SENP7: variants seen among roughly 807,000 people sequenced by gnomAD.
SENP7 encodes the protein SUMO specific peptidase 7.
A neutral mutation model predicts 141.2 loss-of-function variants in SENP7; 64 were observed. The observed-to-expected ratio is 0.45, with a 90% CI of 0.37 to 0.56. SENP7 has a LOEUF of 0.56. Ranked by LOEUF, SENP7 falls within the 20% of genes least tolerant of loss-of-function variation. The pLI is 0.00. For missense variants in SENP7, 1,025 were observed against 1,212.2 expected (o/e 0.85, Z 2.29); for synonymous variants, 382 against 426.4 (o/e 0.90, Z 1.28).
chr3:101,340,578 T>C (rs1462816323), intron 15 of SENP7, among the ~76,000 whole-genome samples: 1 of 152,222 alleles, frequency 6.6e-6, no homozygotes, highest in Non-Finnish European at 1.5e-5. Flanking sequence ...ATATAGCTTT[T>C]CCTTTCTCCG....
intron 5 of SENP7, among the ~76,000 whole-genome samples, chr3:101,415,816 T>G (rs1268397801): frequency 6.6e-6 from 1 of 152,214 alleles, no homozygotes; most frequent in Non-Finnish European, 1.5e-5. Flanking sequence ...GCAACCTCAT[T>G]GTATTTTCAC....
intron 4 of SENP7, among the ~76,000 whole-genome samples, chr3:101,451,578 G>A (rs917167618): frequency 2.0e-5 from 3 of 152,090 alleles, no homozygotes; most frequent in Non-Finnish European, 4.4e-5. Context: ...ATCAATAAAC[G>A]TAATCCAGCA....
At chr3:101,509,435 CATT>C (rs1380524363) in intron 1 of SENP7, among the ~76,000 whole-genome samples, 1 of 152,148 alleles carries the variant, frequency 6.6e-6, no homozygotes, top group African/African-American at 2.4e-5. Context: ...GAAAGGCTAA[CATT>C]TTTTTTACTC....
intron 4 of SENP7, among the ~76,000 whole-genome samples, chr3:101,424,929 G>C (rs1446426615): frequency 6.6e-6 from 1 of 152,124 alleles, no homozygotes; most frequent in Non-Finnish European, 1.5e-5. Flanking sequence ...TCCCCATACT[G>C]TTCTCATGGA....
chr3:101,335,972 G>A (rs946388770), intron 17 of SENP7, among the ~76,000 whole-genome samples: 1 of 152,148 alleles, frequency 6.6e-6, no homozygotes, highest in Non-Finnish European at 1.5e-5. Flanking sequence ...ATACATCCCA[G>A]TTTGTCTAGA....
intron 4 of SENP7, among the ~76,000 whole-genome samples, chr3:101,426,642 G>A (rs889964480): frequency 2.0e-5 from 3 of 151,946 alleles, no homozygotes; most frequent in Admixed American, 2.0e-4. Flanking sequence ...ACCATGCCCA[G>A]CTAATTTTTT....
At chr3:101,502,942 T>A (rs2065450677) in intron 1 of SENP7, among the ~76,000 whole-genome samples, 2 of 150,848 alleles carry the variant, frequency 1.3e-5, no homozygotes, top group South Asian at 4.2e-4. Context: ...AAAAAAGAAC[T>A]TCTGTTCATC....
intron 5 of SENP7, among the ~76,000 whole-genome samples, chr3:101,405,212 T>C (rs566083042): frequency 1.3e-5 from 2 of 152,244 alleles, no homozygotes; most frequent in South Asian, 2.1e-4. Flanking sequence ...AATACTATGC[T>C]GGTATCCATG....
intron 11 of SENP7, chr3:101,358,106 G>A: frequency 5.4e-6 from 3 of 551,138 alleles, no homozygotes; most frequent in South Asian, 1.8e-5. Context: ...GAAGAATGTG[G>A]CAAAATTTTA....
intron 12 of SENP7, among the ~76,000 whole-genome samples, chr3:101,349,178 C>T (rs966831686): frequency 6.6e-6 from 1 of 152,066 alleles, no homozygotes; most frequent in Non-Finnish European, 1.5e-5. Flanking sequence ...CTTAATGTTC[C>T]CAAGCCAGTC....
intron 1 of SENP7, among the ~76,000 whole-genome samples, chr3:101,507,353 TTCCATCATC>T (rs2065663595): frequency 6.6e-6 from 1 of 152,194 alleles, no homozygotes. Context: ...ATCCTCTGCC[TTCCATCATC>T]AAGCCTAGGA....
At chr3:101,357,998 G>A in intron 11 of SENP7, 2 of 630,288 alleles carry the variant, frequency 3.2e-6, no homozygotes. Flanking sequence ...AATTCTTATT[G>A]GAGAGAAACC....
intron 4 of SENP7, among the ~76,000 whole-genome samples, chr3:101,435,347 C>A (rs569968078): frequency 6.6e-6 from 1 of 152,184 alleles, no homozygotes; most frequent in African/African-American, 2.4e-5. Flanking sequence ...TAGGGAAACA[C>A]TGAAAGCCTT....
chr3:101,465,024 T>C (rs890138703), intron 3 of SENP7, among the ~76,000 whole-genome samples: 1 of 152,114 alleles, frequency 6.6e-6, no homozygotes, highest in Admixed American at 6.5e-5. Context: ...CACCCACACA[T>C]GTCATCCGGA....
chr3:101,436,039 C>A (rs1466708034), intron 4 of SENP7, among the ~76,000 whole-genome samples: 2 of 151,924 alleles, frequency 1.3e-5, no homozygotes, highest in Admixed American at 6.6e-5. Context: ...CAGAGCTATA[C>A]TAACCAAAAC....
At chr3:101,371,917 A>T (rs2060192045) in intron 7 of SENP7, 91 bp downstream of exon 7, 3 of 464,722 alleles carry the variant, frequency 6.5e-6, no homozygotes, top group Non-Finnish European at 1.1e-5. Context: ...ATCCTTTCAA[A>T]GTAAAATAAA....
chr3:101,484,387 C>T lies in SENP7; in HGVS notation c.186+9486G>A, dbSNP rs183263442. On this transcript the variant is annotated intron_variant, in intron 3 of 23. Coordinates refer to ENST00000394095, the MANE Select transcript of SENP7 (RefSeq NM_020654.5). The stretch of plus-strand genomic sequence containing the variant: ...TGAAATCATCATGGTGGACAGGAGG[C>T]AGGACCAGATTGCAGCTACATGCAG... Among the ~76,000 whole-genome samples the T allele has an allele frequency of 7.5e-3, 1,141 of 152,250 alleles. 7 individuals carry two copies. Among genetic ancestry groups the T allele is most frequent in the Non-Finnish European group, 0.011 (766 of 68,008 alleles).
chr3:101,459,063 A>C lies in SENP7; in HGVS notation c.187-11T>G, dbSNP rs774218763. ...TAGGCTTCTTTCCCACTAGGAAAAA[A>C]AAAATGAAATTTTAATAATAAACAT... On this transcript the variant is annotated splice_polypyrimidine_tract_variant and intron_variant, in intron 3 of 23. Transcript: ENST00000394095. 1.3e-6 allele frequency: 2 copies of C among 1,490,824 alleles called. No individual in the cohort carries two copies. Among genetic ancestry groups the C allele is most frequent in the South Asian group, 1.2e-5 (1 of 82,194 alleles). The allele number at this position is 1,490,824 out of a possible 1,614,324, so 92.3% of individuals were successfully genotyped here. A position where few individuals can be genotyped will look rare whatever the true frequency, so the allele number is the denominator to read the frequency against.
At chr3:101,414,340 G>A (rs1254360629) in intron 5 of SENP7, 5 of 777,872 alleles carry the variant, frequency 6.4e-6, no homozygotes, top group Non-Finnish European at 1.2e-5. Context: ...CTGCTGTGAG[G>A]ACAGCCAGGC....
Sources: gnomAD v4.1 joint callset for allele counts (sites outside exome capture counted in the v4.1 genomes callset) on GRCh38, gnomAD v4.1.1 for gene constraint, MANE v1.5 for transcripts, NCBI Gene and HGNC (gene_info 2026-07-23, HGNC 2026-07-21) for gene names.